The following TMEM132C variants were observed in gnomAD, a reference collection of about 807,000 sequenced individuals.
TMEM132C encodes protein phosphatase 1, regulatory subunit 152.
TMEM132C carries 29 observed loss-of-function variants against 61.4 expected under a neutral mutation model. That is an observed-to-expected ratio of 0.47 (90% confidence interval 0.35 to 0.64). The LOEUF (loss-of-function observed/expected upper bound fraction) is 0.64. Ranked by LOEUF, TMEM132C falls within the 30% of genes least tolerant of loss-of-function variation. TMEM132C has a pLI of 0.00. For missense variants in TMEM132C, 1,408 were observed against 1,476.9 expected (o/e 0.95, Z 0.76); for synonymous variants, 656 against 633.1 (o/e 1.04, Z -0.54).
chr12:128,661,683 G>A (rs762996821), intron 4 of TMEM132C, among the ~76,000 whole-genome samples: 1 of 152,042 alleles, frequency 6.6e-6, no homozygotes, highest in African/African-American at 2.4e-5. Context: ...ATATAGAAAA[G>A]GCACACAATG....
intron 3 of TMEM132C, among the ~76,000 whole-genome samples, chr12:128,551,673 C>T (rs1190389363): frequency 2.0e-5 from 3 of 152,198 alleles, no homozygotes; most frequent in Admixed American, 1.3e-4. Flanking sequence ...ACATAGAGAG[C>T]GTGCTGAAAG....
At chr12:128,284,768 T>A in intron 1 of TMEM132C, among the ~76,000 whole-genome samples, 1 of 152,306 alleles carries the variant, frequency 6.6e-6, no homozygotes, top group Non-Finnish European at 1.5e-5. Flanking sequence ...ATGATATAGA[T>A]GAATTTGGGA....
rs190977549 is a variant in TMEM132C at position 128,414,772 on chromosome 12, C to T, written c.126C>T (p.Phe42=). ...GGGTCACAGACAACATACAGAGATTCTCCTCACTGCCACCTTACCTACCTG... is the reference window on the plus strand; with the variant it reads ...GGGTCACAGACAACATACAGAGATTTTCCTCACTGCCACCTTACCTACCTG... ...GHGVTDNIQR[F]SSLPPYLPVS... The change falls in exon 2 of 9, where the codon TTC becomes TTT. Residue 42 remains phenylalanine (F), a synonymous_variant. Transcript: ENST00000435159. 4.6e-4 allele frequency: 704 copies of T among 1,538,440 alleles called. 3 individuals are homozygous for T. In the African/African-American group the frequency reaches 8.3e-3, roughly 18 times the overall value.
intron 3 of TMEM132C, among the ~76,000 whole-genome samples, chr12:128,595,447 T>C (rs1407252618): frequency 6.6e-6 from 1 of 152,162 alleles, no homozygotes; most frequent in East Asian, 1.9e-4. Flanking sequence ...CATCTTACCA[T>C]ACCCGCTGTT....
chr12:128,449,994 G>T (rs1192148012), intron 2 of TMEM132C, among the ~76,000 whole-genome samples: 1 of 152,330 alleles, frequency 6.6e-6, no homozygotes, highest in South Asian at 2.1e-4. Flanking sequence ...CCTAGAGAGG[G>T]ATGTAGGGCC....
At position 128,359,400 on chromosome 12, in the gene TMEM132C, A is replaced by C. The variant is rs143591059; in HGVS notation, c.86-55332A>C. 9.3e-3 allele frequency among the ~76,000 whole-genome samples: 1,417 copies of C among 152,224 alleles called. 15 individuals are homozygous for C. Among genetic ancestry groups the C allele is most frequent in the Middle Eastern group, 0.017 (5 of 294 alleles). ...ACTTATTCACTACCATGAGACCAGC[A>C]TGGGGGAAACTGCCTCCATGATTCA... On this transcript the variant is annotated intron_variant, in intron 1 of 8. Coordinates refer to ENST00000435159, the MANE Select transcript of TMEM132C (RefSeq NM_001136103.3).
chr12:128,319,890 G>A (rs2398397), intron 1 of TMEM132C, among the ~76,000 whole-genome samples: 30,517 of 151,688 alleles, frequency 0.2, 3,602 homozygotes, highest in Non-Finnish European at 0.26. Context: ...GCATCTTCTT[G>A]AACAGACGCG....
At chr12:128,572,782 C>T (rs768406191) in intron 3 of TMEM132C, among the ~76,000 whole-genome samples, 10 of 147,302 alleles carry the variant, frequency 6.8e-5, no homozygotes, top group Admixed American at 2.7e-4. Flanking sequence ...TGCTGGCCTC[C>T]GATTGGCCAG....
chr12:128,414,895 C>A lies in TMEM132C; in HGVS notation c.249C>A (p.Ser83=). 6.4e-7 allele frequency: 1 copy of A among 1,551,856 alleles called. No homozygotes were observed. Among genetic ancestry groups the A allele is most frequent in the East Asian group, 2.4e-5 (1 of 40,922 alleles). ...RNSSLQARVE[S]FFTYKTRQPP... Reference sequence around the variant, plus strand: ...CCAGCCTGCAGGCGAGGGTGGAGTCCTTCTTTACCTACAAAACCAGGCAGC... The same window carrying A: ...CCAGCCTGCAGGCGAGGGTGGAGTCATTCTTTACCTACAAAACCAGGCAGC... The change falls in exon 2 of 9, where the codon TCC becomes TCA. Residue 83 remains serine, a synonymous_variant. Transcript: ENST00000435159.
In TMEM132C at chr12:128,630,360, C is replaced by A. The variant is rs1243329890; in HGVS notation, c.1305+14025C>A. 6.6e-6 allele frequency among the ~76,000 whole-genome samples: 1 copy of A among 152,168 alleles called. No individual in the cohort carries two copies. The highest frequency in any genetic ancestry group is 2.4e-5 in the African/African-American group (1 of 41,442). On this transcript the variant is annotated intron_variant, in intron 4 of 8. Coordinates refer to ENST00000435159, the MANE Select transcript of TMEM132C (RefSeq NM_001136103.3). The surrounding 1 kb of genome is among the most constrained non-coding windows in gnomAD (Gnocchi z 4.3). ...AAATCAGCGTAGTTAGAACCTGGGC[C>A]TGTGTTTATAGTTCACTGCTCGGTG... is the stretch of plus-strand genomic sequence containing the variant.
chr12:128,279,306 G>C (rs549972303), intron 1 of TMEM132C, among the ~76,000 whole-genome samples: 1 of 152,124 alleles, frequency 6.6e-6, no homozygotes, highest in South Asian at 2.1e-4. Flanking sequence ...TTAAATCACT[G>C]CTAATCCTCT....
chr12:128,367,426 C>T (rs1873903160), intron 1 of TMEM132C, among the ~76,000 whole-genome samples: 2 of 152,298 alleles, frequency 1.3e-5, no homozygotes, highest in South Asian at 4.1e-4. Flanking sequence ...GGCAGCTTCA[C>T]CTAGGTGACA....
At chr12:128,445,592 A>G (rs1869950537) in intron 2 of TMEM132C, among the ~76,000 whole-genome samples, 1 of 152,210 alleles carries the variant, frequency 6.6e-6, no homozygotes, top group South Asian at 2.1e-4. Flanking sequence ...CTTCCTCTTC[A>G]GCTCCGCGGA....
Position 128,350,103 on chromosome 12 carries a change from TCTATGAATTATCAAAAATGAAG to T in TMEM132C, c.86-64628_86-64607del. On this transcript the variant is annotated intron_variant, in intron 1 of 8. Transcript: ENST00000435159. ...AACTCCCATTTGGGCAAAATTGTCT[TCTATGAATTATCAAAAATGAAG>T]AATTTTTTGGATGCAAATAACATGA... Among the ~76,000 whole-genome samples, 3 of 152,366 alleles carry T rather than the reference TCTATGAATTATCAAAAATGAAG, an allele frequency of 2.0e-5. No individual in the cohort carries two copies. The South Asian group carries it at 6.2e-4, about 32-fold the overall frequency.
intron 3 of TMEM132C, among the ~76,000 whole-genome samples, chr12:128,605,688 G>A (rs923433914): frequency 6.6e-6 from 1 of 152,118 alleles, no homozygotes; most frequent in Non-Finnish European, 1.5e-5. Flanking sequence ...GAAGGAAGTG[G>A]GAGAGGACAG....
At chr12:128,486,294 C>T (rs1871489350) in intron 2 of TMEM132C, among the ~76,000 whole-genome samples, 1 of 152,180 alleles carries the variant, frequency 6.6e-6, no homozygotes, top group African/African-American at 2.4e-5. Flanking sequence ...TGACAGCATT[C>T]TCCAGACATT....
At chr12:128,408,202 G>A (rs1478866489) in intron 1 of TMEM132C, among the ~76,000 whole-genome samples, 4 of 152,168 alleles carry the variant, frequency 2.6e-5, no homozygotes, top group Non-Finnish European at 4.4e-5. Flanking sequence ...TAAGACAGGA[G>A]GTGAGACCAC....
chr12:128,538,525 A>G (rs1873618526), intron 2 of TMEM132C, among the ~76,000 whole-genome samples: 1 of 152,208 alleles, frequency 6.6e-6, no homozygotes, highest in Non-Finnish European at 1.5e-5. Flanking sequence ...AAGTTCTGGG[A>G]TTACAAGTGT....
At chr12:128,699,341 C>G (rs923981232) in intron 8 of TMEM132C, among the ~76,000 whole-genome samples, 1 of 152,186 alleles carries the variant, frequency 6.6e-6, no homozygotes, top group Non-Finnish European at 1.5e-5. Flanking sequence ...AGGCTGAAAT[C>G]ACAGTGTTGG....
Sources: gnomAD v4.1 joint callset for allele counts (sites outside exome capture counted in the v4.1 genomes callset) on GRCh38, gnomAD v4.1.1 for gene constraint, Gnocchi (gnomAD v3.1) non-coding constraint, MANE v1.5 for transcripts, NCBI Gene and HGNC (gene_info 2026-07-23, HGNC 2026-07-21) for gene names.